Variants in CNTNAP2 observed in about 807,000 individuals in gnomAD.
The protein encoded by CNTNAP2 is contactin associated protein 2.
A neutral mutation model predicts 155.2 loss-of-function variants in CNTNAP2; 98 were observed. The ratio of observed to expected loss-of-function variants is 0.63; its 90% CI spans 0.54 to 0.75. The LOEUF (loss-of-function observed/expected upper bound fraction) is 0.75, where lower values mean the gene tolerates loss of function less well. CNTNAP2 is among the 30% of genes least tolerant of loss of function. The pLI, the probability that CNTNAP2 is intolerant of heterozygous loss-of-function variation, is 0.00. For missense variants in CNTNAP2, 1,727 were observed against 1,688.1 expected (o/e 1.02, Z -0.40); for synonymous variants, 651 against 631.2 (o/e 1.03, Z -0.47).
intron 13 of CNTNAP2, among the ~76,000 whole-genome samples, chr7:147,796,662 A>G (rs1797900999): frequency 6.6e-6 from 1 of 152,166 alleles, no homozygotes; most frequent in African/African-American, 2.4e-5. Context: ...ACAATTGAAT[A>G]CGCATAAAAC....
chr7:147,834,676 G>T (rs1053245636), intron 13 of CNTNAP2, among the ~76,000 whole-genome samples: 3 of 152,072 alleles, frequency 2.0e-5, no homozygotes, highest in Non-Finnish European at 4.4e-5. Flanking sequence ...AACCCCAGAC[G>T]TATGGAGAAA....
At chr7:147,083,841 C>T (rs10233752) in intron 4 of CNTNAP2, among the ~76,000 whole-genome samples, 1 of 139,188 alleles carries the variant, frequency 7.2e-6, no homozygotes, top group South Asian at 2.3e-4. Context: ...CATGTATGTA[C>T]ATATTATATA....
chr7:147,944,058 T>G (rs2708275), intron 14 of CNTNAP2, among the ~76,000 whole-genome samples: 34,774 of 151,970 alleles, frequency 0.23, 4,257 homozygotes, highest in Middle Eastern at 0.33. Context: ...AATGGGGAAG[T>G]TTCCCAGTCT....
intron 13 of CNTNAP2, among the ~76,000 whole-genome samples, chr7:147,812,476 G>GA (rs367830393): frequency 0.017 from 2,420 of 141,580 alleles, 60 homozygotes; most frequent in African/African-American, 0.057. Context: ...ATATAAGTAG[G>GA]AAAAAAAAAA....
chr7:146,306,481 G>C (rs1446223995), intron 1 of CNTNAP2, among the ~76,000 whole-genome samples: 7 of 152,110 alleles, frequency 4.6e-5, no homozygotes, highest in Non-Finnish European at 1.0e-4. Context: ...GATGAACATT[G>C]ATGCAAAAAT....
chr7:147,869,496 A>G (rs1223597296), intron 13 of CNTNAP2, among the ~76,000 whole-genome samples: 1 of 152,256 alleles, frequency 6.6e-6, no homozygotes, highest in Non-Finnish European at 1.5e-5. Context: ...AGACAAAGTG[A>G]AAAAGAAATG....
chr7:147,844,983 T>C (rs1420416546), intron 13 of CNTNAP2, among the ~76,000 whole-genome samples: 5 of 142,938 alleles, frequency 3.5e-5, no homozygotes, highest in Non-Finnish European at 6.2e-5. Flanking sequence ...GATGTGCTGC[T>C]GGATTCGGTT....
At chr7:146,146,622 A>G (rs1368701867) in intron 1 of CNTNAP2, among the ~76,000 whole-genome samples, 1 of 152,168 alleles carries the variant, frequency 6.6e-6, no homozygotes, top group African/African-American at 2.4e-5. Context: ...AGGCTAAGAC[A>G]TTGAATAATT....
chr7:146,978,804 A>G (rs1797960070), intron 3 of CNTNAP2, among the ~76,000 whole-genome samples: 1 of 152,054 alleles, frequency 6.6e-6, no homozygotes, highest in South Asian at 2.1e-4. Flanking sequence ...AGATCCCAAA[A>G]TAAATAAGAA....
intron 10 of CNTNAP2, among the ~76,000 whole-genome samples, chr7:147,442,974 G>C (rs1797668666): frequency 1.3e-5 from 2 of 152,116 alleles, no homozygotes; most frequent in South Asian, 4.1e-4. Flanking sequence ...CCTGGAATTA[G>C]GGGAGAGGTG....
At chr7:147,290,543 C>G (rs771447474) in intron 8 of CNTNAP2, among the ~76,000 whole-genome samples, 3 of 151,802 alleles carry the variant, frequency 2.0e-5, no homozygotes, top group African/African-American at 7.3e-5. Context: ...ATTAGCCGAG[C>G]GTGGTGGCTT....
intron 1 of CNTNAP2, among the ~76,000 whole-genome samples, chr7:146,213,905 G>A (rs1340449418): frequency 6.6e-6 from 1 of 152,062 alleles, no homozygotes; most frequent in Non-Finnish European, 1.5e-5. Context: ...CTGCCTAACA[G>A]CCTACACTCT....
At chr7:147,107,937 T>C (rs1189241003) in intron 4 of CNTNAP2, among the ~76,000 whole-genome samples, 1 of 152,156 alleles carries the variant, frequency 6.6e-6, no homozygotes, top group Non-Finnish European at 1.5e-5. Context: ...CTGATAGAGC[T>C]TTTATGAGCA....
chr7:148,044,991 C>T (rs927862067), intron 15 of CNTNAP2, among the ~76,000 whole-genome samples: 2 of 152,144 alleles, frequency 1.3e-5, no homozygotes, highest in Non-Finnish European at 2.9e-5. Flanking sequence ...CACGCCCAGC[C>T]ACCCTGTGTC....
intron 3 of CNTNAP2, among the ~76,000 whole-genome samples, chr7:146,952,447 G>T (rs2129228255): frequency 1.3e-5 from 2 of 152,190 alleles, no homozygotes; most frequent in South Asian, 4.1e-4. Context: ...GGCAAGGAAA[G>T]AAATAAAATG....
chr7:148,304,986 T>G (rs1419150729), intron 21 of CNTNAP2, among the ~76,000 whole-genome samples: 1 of 146,462 alleles, frequency 6.8e-6, no homozygotes, highest in Non-Finnish European at 1.5e-5. Context: ...GAGGCACAGG[T>G]GAGGGATTGC....
At chr7:146,856,068 G>A (rs1051695805) in intron 3 of CNTNAP2, among the ~76,000 whole-genome samples, 2 of 84,608 alleles carry the variant, frequency 2.4e-5, no homozygotes, top group Non-Finnish European at 4.5e-5. Flanking sequence ...AGAAAGAAAG[G>A]AAAAATGATG....
chr7:148,289,572 C>T (rs1188692008), intron 21 of CNTNAP2, among the ~76,000 whole-genome samples: 3 of 68,374 alleles, frequency 4.4e-5, no homozygotes, highest in Non-Finnish European at 8.0e-5. Flanking sequence ...AATACACACA[C>T]ACTCACACTC....
intron 1 of CNTNAP2, among the ~76,000 whole-genome samples, chr7:146,698,177 T>C (rs1800813816): frequency 6.6e-6 from 1 of 152,118 alleles, no homozygotes; most frequent in South Asian, 2.1e-4. Flanking sequence ...CTGCTATTAT[T>C]AATTAGAACA....
Sources: gnomAD v4.1 joint callset for allele counts (sites outside exome capture counted in the v4.1 genomes callset) on GRCh38, gnomAD v4.1.1 for gene constraint, MANE v1.5 for transcripts, NCBI Gene and HGNC (gene_info 2026-07-23, HGNC 2026-07-21) for gene names.